The following ZNF516 variants were observed in gnomAD, a reference collection of about 807,000 sequenced individuals.
ZNF516 encodes the protein zinc finger protein 516.
A neutral mutation model predicts 79.7 loss-of-function variants in ZNF516; 19 were observed. The ratio of observed to expected loss-of-function variants is 0.24; its 90% CI spans 0.17 to 0.35. The LOEUF (loss-of-function observed/expected upper bound fraction) is 0.35, where lower values mean the gene tolerates loss of function less well. Among genes scored for constraint, ZNF516 ranks in the 10% least tolerant of loss-of-function variants. The pLI, the probability that ZNF516 is intolerant of heterozygous loss-of-function variation, is 1.00. For missense variants in ZNF516, 1,678 were observed against 1,679.5 expected (o/e 1.00, Z 0.02); for synonymous variants, 877 against 739.5 (o/e 1.19, Z -3.02).
intron 3 of ZNF516, among the ~76,000 whole-genome samples, chr18:76,405,305 T>C (rs690132): frequency 0.57 from 86,614 of 151,910 alleles, 24,837 homozygotes; most frequent in South Asian, 0.68. Flanking sequence ...CATAGCTCAC[T>C]GCGGGTGTCC....
chr18:76,369,282 T>A (rs1323686701), intron 6 of ZNF516, among the ~76,000 whole-genome samples: 3 of 152,228 alleles, frequency 2.0e-5, no homozygotes, highest in Non-Finnish European at 4.4e-5. Flanking sequence ...TGTCATAGTA[T>A]TGGGTAACTA....
At chr18:76,421,417 G>A (rs764433154) in intron 3 of ZNF516, among the ~76,000 whole-genome samples, 3 of 152,188 alleles carry the variant, frequency 2.0e-5, no homozygotes, top group Admixed American at 6.5e-5. Flanking sequence ...CAAGTCCCAC[G>A]TCCTAACTGG....
At chr18:76,411,685 C>T (rs1210462795) in intron 3 of ZNF516, among the ~76,000 whole-genome samples, 1 of 152,110 alleles carries the variant, frequency 6.6e-6, no homozygotes, top group African/African-American at 2.4e-5. Flanking sequence ...CTAAAATTAC[C>T]GCTTGACTAC....
Position 76,474,294 on chromosome 18 carries a change from T to C in ZNF516, c.-271-11153A>G, listed in dbSNP as rs566724703. Among the ~76,000 whole-genome samples the C allele has an allele frequency of 8.5e-5, 13 of 152,328 alleles. No homozygotes were observed. The South Asian group carries it at 2.7e-3, about 32-fold the overall frequency. On this transcript the variant is annotated intron_variant, in intron 1 of 6. Coordinates refer to ENST00000443185, the MANE Select transcript of ZNF516 (RefSeq NM_014643.4). ...CTCCACAATTTGCTATTTTGCTAAA[T>C]TGGCAATAGAACATCAAATGCCTCC...
At chr18:76,384,499 AC>A (rs1188456018) in intron 3 of ZNF516, among the ~76,000 whole-genome samples, 3 of 83,738 alleles carry the variant, frequency 3.6e-5, no homozygotes, top group Non-Finnish European at 7.2e-5. Flanking sequence ...TGGCCCCCAT[AC>A]CCCCTCCACA....
At chr18:76,438,926 A>G (rs1208486641) in intron 3 of ZNF516, among the ~76,000 whole-genome samples, 1 of 152,240 alleles carries the variant, frequency 6.6e-6, no homozygotes, top group African/African-American at 2.4e-5. Context: ...ATTCCCACAC[A>G]GACACTCTAA....
rs764352811 is a variant in ZNF516 at position 76,379,038 on chromosome 18, A to G, written c.3076T>C (p.Leu1026=). 38 of 1,610,902 alleles carry G rather than the reference A, an allele frequency of 2.4e-5. No homozygotes were observed. The highest frequency in any genetic ancestry group is 3.0e-5 in the Non-Finnish European group (35 of 1,179,434). ...CCAGCCACGCCGGGCTGGGCCTGCA[A>G]GGCCGCGTCGCCCCTGGACCCCGCA... ...CAAGSRGDAA[L]QAQPGVAGAP... Residue 1026 remains leucine (L), a synonymous_variant, in exon 4 of 7, where the codon TTG becomes CTG. Transcript: ENST00000443185.
At chr18:76,424,664 A>G (rs1407147439) in intron 3 of ZNF516, among the ~76,000 whole-genome samples, 2 of 113,060 alleles carry the variant, frequency 1.8e-5, no homozygotes, top group African/African-American at 7.0e-5. Flanking sequence ...AGGTTCCCCC[A>G]TGAAACACAC....
intron 3 of ZNF516, among the ~76,000 whole-genome samples, chr18:76,383,605 G>A (rs1364084712): frequency 8.4e-5 from 10 of 118,356 alleles, no homozygotes; most frequent in African/African-American, 2.5e-4. Flanking sequence ...GCACCTTCTC[G>A]CCAGGGACCC....
chr18:76,482,400 A>C (rs1019013975), intron 1 of ZNF516, among the ~76,000 whole-genome samples: 1 of 152,222 alleles, frequency 6.6e-6, no homozygotes, highest in African/African-American at 2.4e-5. Flanking sequence ...CCAGGTGAGG[A>C]AGCCACAGGC....
chr18:76,411,401 T>C (rs2075370803), intron 3 of ZNF516, among the ~76,000 whole-genome samples: 1 of 152,204 alleles, frequency 6.6e-6, no homozygotes, highest in African/African-American at 2.4e-5. Flanking sequence ...TTTCCAAGCA[T>C]TTCAGCAAGT....
chr18:76,388,368 C>G (rs181399335), intron 3 of ZNF516: 1 of 152,260 alleles, frequency 6.6e-6, no homozygotes, highest in East Asian at 1.9e-4. Flanking sequence ...ATGGGGCCAA[C>G]GCCCAAAAGC....
At chr18:76,389,804 C>T (rs2075045323) in intron 3 of ZNF516, among the ~76,000 whole-genome samples, 1 of 152,174 alleles carries the variant, frequency 6.6e-6, no homozygotes, top group Admixed American at 6.5e-5. Context: ...GGAGCGCTTA[C>T]ACAGCCATCA....
In ZNF516 at chr18:76,459,410, C is replaced by T. The variant is rs1389455403; in HGVS notation, c.-158+3618G>A. On this transcript the variant is annotated intron_variant, in intron 2 of 6. Transcript: ENST00000443185. The surrounding 1 kb of genome is among the most constrained non-coding windows in gnomAD (Gnocchi z 5.0). ...TGAGGACAGCCGTCCTAGCTTCCTT[C>T]GTGGGAGAAAACTCTGGCCCTCCAC... Among the ~76,000 whole-genome samples, 1 of 152,328 alleles carries T rather than the reference C, an allele frequency of 6.6e-6. No homozygotes were observed. The highest frequency in any genetic ancestry group is 1.5e-5 in the Non-Finnish European group (1 of 68,018).
At chr18:76,483,956 G>A (rs1395375011) in intron 1 of ZNF516, among the ~76,000 whole-genome samples, 2 of 152,128 alleles carry the variant, frequency 1.3e-5, no homozygotes, top group Non-Finnish European at 2.9e-5. Context: ...GTGGAAAGAC[G>A]CAAACATTTA....
intron 1 of ZNF516, among the ~76,000 whole-genome samples, chr18:76,480,585 T>C (rs1914469543): frequency 6.6e-6 from 1 of 151,758 alleles, no homozygotes; most frequent in African/African-American, 2.4e-5. Flanking sequence ...TGCAGTGGTG[T>C]GATCTCAGCT....
intron 6 of ZNF516, among the ~76,000 whole-genome samples, 176 bp downstream of exon 6, chr18:76,370,352 G>A (rs766890470): frequency 1.3e-5 from 2 of 152,178 alleles, no homozygotes; most frequent in South Asian, 2.1e-4. Flanking sequence ...ACCTCTGTGC[G>A]GGTACTGCCC....
At chr18:76,367,916 C>CT (rs34632293) in intron 6 of ZNF516, among the ~76,000 whole-genome samples, 1 of 152,118 alleles carries the variant, frequency 6.6e-6, no homozygotes, top group South Asian at 2.1e-4. Flanking sequence ...AGTCCATTGA[C>CT]TTTAAGTGTC....
chr18:76,454,131 AT>A lies in ZNF516; in HGVS notation c.-158+8896del, dbSNP rs1912581267. 2.0e-5 allele frequency among the ~76,000 whole-genome samples: 3 copies of A among 152,268 alleles called. No homozygotes were observed. In the South Asian group the frequency reaches 6.2e-4, roughly 31 times the overall value. On this transcript the variant is annotated intron_variant, in intron 2 of 6. Coordinates refer to ENST00000443185, the MANE Select transcript of ZNF516 (RefSeq NM_014643.4). ...GAGAGATAATTGTATGCAGTAAGCC[AT>A]AAGGCATTCTGTTAAACATTACCTT...
Sources: gnomAD v4.1 joint callset for allele counts (sites outside exome capture counted in the v4.1 genomes callset) on GRCh38, gnomAD v4.1.1 for gene constraint, Gnocchi (gnomAD v3.1) non-coding constraint, MANE v1.5 for transcripts, NCBI Gene and HGNC (gene_info 2026-07-23, HGNC 2026-07-21) for gene names.